The following CTNNA2 variants were observed in gnomAD, a reference collection of about 807,000 sequenced individuals.
CTNNA2 encodes the protein catenin alpha-2.
In CTNNA2, 42 loss-of-function variants were observed where a neutral mutation model predicts 101.0. The ratio of observed to expected loss-of-function variants is 0.42; its 90% CI spans 0.32 to 0.54. CTNNA2 has a LOEUF of 0.54. Among genes scored for constraint, CTNNA2 ranks in the 20% least tolerant of loss-of-function variants. CTNNA2 has a pLI of 0.14. For synonymous variants in CTNNA2, 450 were observed against 456.4 expected (o/e 0.99, Z 0.18); for missense variants, 871 against 1,223.1 (o/e 0.71, Z 4.29).
intron 7 of CTNNA2, among the ~76,000 whole-genome samples, chr2:79,936,218 G>GTT (rs201740636): frequency 2.8e-5 from 4 of 140,578 alleles, no homozygotes; most frequent in Admixed American, 7.3e-5. Flanking sequence ...TTCTGAGTTT[G>GTT]TTTTTTTTTA....
intron 7 of CTNNA2, among the ~76,000 whole-genome samples, chr2:80,179,177 C>G (rs6726258): frequency 0.01 from 1,566 of 152,290 alleles, 24 homozygotes; most frequent in African/African-American, 0.036. Flanking sequence ...ATACCAGTTA[C>G]CAAGAGATGT....
intron 9 of CTNNA2, among the ~76,000 whole-genome samples, chr2:80,513,731 T>G (rs1688892153): frequency 6.6e-6 from 1 of 152,184 alleles, no homozygotes; most frequent in South Asian, 2.1e-4. Context: ...TAGGCAGAAC[T>G]AGTCTCATAA....
intron 2 of CTNNA2, among the ~76,000 whole-genome samples, chr2:79,287,704 T>G (rs1207538417): frequency 3.3e-5 from 5 of 152,144 alleles, no homozygotes; most frequent in African/African-American, 1.2e-4. Context: ...TCTTTTTGTT[T>G]GTCTGTGCCC....
At chr2:79,286,934 C>A (rs1397952127) in intron 2 of CTNNA2, among the ~76,000 whole-genome samples, 1 of 152,174 alleles carries the variant, frequency 6.6e-6, no homozygotes, top group Non-Finnish European at 1.5e-5. Context: ...TCCCATATTT[C>A]TTGGAGGCTT....
intron 7 of CTNNA2, among the ~76,000 whole-genome samples, chr2:79,927,418 C>T (rs1427717742): frequency 6.6e-6 from 1 of 151,782 alleles, no homozygotes; most frequent in African/African-American, 2.4e-5. Flanking sequence ...TAGGAAAGTA[C>T]AGATGGAAGA....
At chr2:79,548,451 A>G (rs772612652) in intron 1 of CTNNA2, among the ~76,000 whole-genome samples, 1 of 152,168 alleles carries the variant, frequency 6.6e-6, no homozygotes, top group Non-Finnish European at 1.5e-5. Flanking sequence ...AGAATTGTTT[A>G]TCTTCAGAAA....
intron 2 of CTNNA2, among the ~76,000 whole-genome samples, chr2:79,222,571 A>G (rs555386061): frequency 6.6e-6 from 1 of 152,274 alleles, no homozygotes; most frequent in East Asian, 1.9e-4. Context: ...AAAATATTAC[A>G]TAGATCAATA....
chr2:80,511,015 G>A (rs894831209), intron 9 of CTNNA2, among the ~76,000 whole-genome samples: 1 of 152,168 alleles, frequency 6.6e-6, no homozygotes, highest in Non-Finnish European at 1.5e-5. Context: ...ATCTCTCAGG[G>A]AAGGGAAGGC....
upstream of CTNNA2, among the ~76,000 whole-genome samples, chr2:79,511,784 G>C (rs556578029): frequency 8.5e-5 from 13 of 152,162 alleles, no homozygotes; most frequent in South Asian, 1.2e-3. Flanking sequence ...AAGCAAAAGG[G>C]GGGAGGGAAA....
intron 7 of CTNNA2, among the ~76,000 whole-genome samples, chr2:80,346,486 G>A (rs1044362049): frequency 2.1e-4 from 32 of 152,292 alleles, no homozygotes; most frequent in African/African-American, 4.6e-4. Context: ...TTCATGATCC[G>A]AACACCTTCC....
In CTNNA2 at chr2:80,302,932, C is replaced by A. The variant is rs759382027; in HGVS notation, c.1057-90279C>A. 1.2e-6 allele frequency: 2 copies of A among 1,613,956 alleles called. No individual in the cohort carries two copies. The highest frequency in any genetic ancestry group is 2.2e-5 in the South Asian group (2 of 91,064). On this transcript the variant is annotated intron_variant, in intron 7 of 18. Coordinates refer to ENST00000402739, the MANE Select transcript of CTNNA2 (RefSeq NM_001282597.3). The surrounding 1 kb of genome is among the most constrained non-coding windows in gnomAD (Gnocchi z 6.4). ...ACTTCCAAGAGTTGAGGATCCGGGG[C>A]TCGATGTAGGTGAGGCGGTTGGAGT... is the stretch of plus-strand genomic sequence containing the variant.
intron 2 of CTNNA2, among the ~76,000 whole-genome samples, chr2:79,723,581 T>A (rs936118652): frequency 2.0e-5 from 3 of 152,140 alleles, no homozygotes; most frequent in African/African-American, 7.2e-5. Context: ...AAAGGCAGAA[T>A]CCCCATGTAG....
intron 9 of CTNNA2, among the ~76,000 whole-genome samples, chr2:80,459,097 A>T (rs1684214255): frequency 6.6e-6 from 1 of 152,214 alleles, no homozygotes. Context: ...TAACCTAGGA[A>T]CAATAGGCTA....
intron 17 of CTNNA2, 133 bp from the exon 18 acceptor site, chr2:80,618,952 C>T: frequency 2.0e-6 from 1 of 504,572 alleles, no homozygotes. Flanking sequence ...CACGTAATTC[C>T]TTCATATACC....
chr2:80,001,069 G>C (rs998772387), intron 7 of CTNNA2, among the ~76,000 whole-genome samples: 1 of 152,284 alleles, frequency 6.6e-6, no homozygotes, highest in South Asian at 2.1e-4. Flanking sequence ...CTTGTGGCTT[G>C]TTCCTTGTTT....
intron 3 of CTNNA2, among the ~76,000 whole-genome samples, chr2:79,744,786 C>A (rs528377447): frequency 1.3e-5 from 2 of 152,240 alleles, no homozygotes; most frequent in South Asian, 4.2e-4. Context: ...TACAAACACT[C>A]CATGTCTGCT....
In CTNNA2 at chr2:79,822,988, T is replaced by C. The variant is rs143722085; in HGVS notation, c.299-35025T>C. On this transcript the variant is annotated intron_variant, in intron 3 of 18. Coordinates refer to ENST00000402739, the MANE Select transcript of CTNNA2 (RefSeq NM_001282597.3). The stretch of plus-strand genomic sequence containing the variant: ...CAGGCTCTTTTCTGATGTATGCTGG[T>C]CTTTTGCCAGATACAATTTTTTTCT... Among the ~76,000 whole-genome samples the C allele has an allele frequency of 2.2e-4, 34 of 152,320 alleles. No homozygotes were observed. The East Asian group carries it at 5.0e-3, about 22-fold the overall frequency.
chr2:80,276,804 C>T (rs1389374302), intron 7 of CTNNA2, among the ~76,000 whole-genome samples: 5 of 152,050 alleles, frequency 3.3e-5, no homozygotes, highest in Non-Finnish European at 7.4e-5. Flanking sequence ...GGATCCACCC[C>T]CATGACCCAA....
intron 7 of CTNNA2, among the ~76,000 whole-genome samples, chr2:80,095,510 G>A (rs1417386816): frequency 1.3e-5 from 2 of 152,130 alleles, no homozygotes; most frequent in African/African-American, 2.4e-5. Context: ...GGATGATGCT[G>A]GCCTCATCAA....
Sources: gnomAD v4.1 joint callset for allele counts (sites outside exome capture counted in the v4.1 genomes callset) on GRCh38, gnomAD v4.1.1 for gene constraint, Gnocchi (gnomAD v3.1) non-coding constraint, MANE v1.5 for transcripts, NCBI Gene and HGNC (gene_info 2026-07-23, HGNC 2026-07-21) for gene names.